Variants in PCDHGB7 observed in about 807,000 individuals in gnomAD.
The protein encoded by PCDHGB7 is protocadherin gamma subfamily B, 7, also known as protocadherin gamma-B7.
Under a neutral mutation model 61.4 loss-of-function variants are expected in PCDHGB7, and 37 were observed. The observed-to-expected ratio is 0.60, with a 90% CI of 0.46 to 0.79. The LOEUF (loss-of-function observed/expected upper bound fraction) is 0.79, where lower values mean the gene tolerates loss of function less well. PCDHGB7 is among the 30% of genes least tolerant of loss of function. PCDHGB7 has a pLI of 0.00. For missense variants in PCDHGB7, 1,166 were observed against 1,202.5 expected (o/e 0.97, Z 0.45); for synonymous variants, 464 against 503.5 (o/e 0.92, Z 1.05).
At chr5:141,439,796 G>C (rs980000701) in intron 1 of PCDHGB7, 4 of 152,318 alleles carry the variant, frequency 2.6e-5, no homozygotes, top group African/African-American at 9.6e-5. Flanking sequence ...AATCCAAGAA[G>C]AGTTTGAAAA....
intron 2 of PCDHGB7, 107 bp from the exon 3 acceptor site, chr5:141,505,286 A>T: frequency 3.2e-6 from 5 of 1,551,278 alleles, no homozygotes; most frequent in Non-Finnish European, 4.4e-6. Flanking sequence ...GGTCTTGGGC[A>T]TGGGGTAGGG....
rs776975666 is a variant in PCDHGB7 at position 141,432,850 on chromosome 5, G to A, written c.2415+12576G>A. The A allele has an allele frequency of 6.2e-7, 1 of 1,614,170 alleles. No homozygotes were observed. The highest frequency in any genetic ancestry group is 1.1e-5 in the South Asian group (1 of 91,088). ...TCACTCTGTACCTGGTGGTAGCGGT[G>A]GCCGCGGTCTCCTGCGTCTTCCTGG... is the stretch of plus-strand genomic sequence containing the variant. On this transcript the variant is annotated intron_variant, in intron 1 of 3. Coordinates refer to ENST00000398594, the MANE Select transcript of PCDHGB7 (RefSeq NM_018927.4). The surrounding 1 kb of genome is among the most constrained non-coding windows in gnomAD (Gnocchi z 6.0).
chr5:141,487,438 G>A lies in PCDHGB7; in HGVS notation c.2416-7369G>A, dbSNP rs2154580826. 6 of 1,614,174 alleles carry A rather than the reference G, an allele frequency of 3.7e-6. No individual in the cohort carries two copies. Among genetic ancestry groups the A allele is most frequent in the East Asian group, 2.2e-5 (1 of 44,866 alleles). On this transcript the variant is annotated intron_variant, in intron 1 of 3. Transcript: ENST00000398594. This position sits in a 1 kb window ranked among gnomAD's most constrained non-coding sequence, Gnocchi z 5.0. The stretch of plus-strand genomic sequence containing the variant: ...ATGGGATCCTCCGAATCCAGCTAGG[G>A]TCAGATGACCCTATCAAGTTTGTTG...
chr5:141,475,984 G>A, intron 1 of PCDHGB7: 2 of 1,069,308 alleles, frequency 1.9e-6, no homozygotes, highest in Non-Finnish European at 2.7e-6. Flanking sequence ...AACAGCCGGC[G>A]AGCAAATCAA....
chr5:141,460,075 C>T (rs2098981644), intron 1 of PCDHGB7, among the ~76,000 whole-genome samples: 2 of 151,896 alleles, frequency 1.3e-5, no homozygotes, highest in East Asian at 1.9e-4. Context: ...GAGACTTCAT[C>T]TAAAAAATAA....
rs764579211 is a variant in PCDHGB7 at position 141,489,393 on chromosome 5, T to C, written c.2416-5414T>C. 1.9e-5 allele frequency: 30 copies of C among 1,614,098 alleles called. No individual in the cohort carries two copies. In the South Asian group the frequency reaches 3.3e-4, roughly 18 times the overall value. On this transcript the variant is annotated intron_variant, in intron 1 of 3. Coordinates refer to ENST00000398594, the MANE Select transcript of PCDHGB7 (RefSeq NM_018927.4). The surrounding 1 kb of genome is among the most constrained non-coding windows in gnomAD (Gnocchi z 4.5). ...CGCTGGTGGGGAATGTTGCTCAGGA[T>C]CTGGGCTTAAAGATGACAGATCTGT...
intron 1 of PCDHGB7, among the ~76,000 whole-genome samples, chr5:141,451,717 A>G (rs2098722445): frequency 6.6e-6 from 1 of 152,166 alleles, no homozygotes; most frequent in Non-Finnish European, 1.5e-5. Context: ...CCCTGCCTCT[A>G]CTAAAAATAC....
At chr5:141,421,119 C>A (rs542039688) in intron 1 of PCDHGB7, 2 of 772,768 alleles carry the variant, frequency 2.6e-6, no homozygotes, top group South Asian at 1.9e-5. Flanking sequence ...TATTTTCCTT[C>A]GCTTTCTGAT....
At chr5:141,430,612 G>A (rs1406353008) in intron 1 of PCDHGB7, 2 of 680,678 alleles carry the variant, frequency 2.9e-6, no homozygotes, top group African/African-American at 3.7e-5. Flanking sequence ...GCACAAAGCA[G>A]ATAGCTAGGA....
chr5:141,423,552 C>A, intron 1 of PCDHGB7: 2 of 1,613,720 alleles, frequency 1.2e-6, no homozygotes, highest in Non-Finnish European at 1.7e-6. Context: ...CCCAGCCCAA[C>A]TATGGGGACA....
chr5:141,426,733 G>A (rs62378459), intron 1 of PCDHGB7: 13,670 of 449,336 alleles, frequency 0.03, 288 homozygotes, highest in Middle Eastern at 0.11. Context: ...CCAGGCATTC[G>A]GTTTGGCCTG....
At chr5:141,428,196 C>A in intron 1 of PCDHGB7, 2 of 1,383,704 alleles carry the variant, frequency 1.4e-6, no homozygotes, top group Non-Finnish European at 2.0e-6. Context: ...CCGCTCTCTG[C>A]GCCGCTACGC....
chr5:141,489,597 A>T lies in PCDHGB7; in HGVS notation c.2416-5210A>T. The T allele has an allele frequency of 6.2e-7, 1 of 1,614,100 alleles. No individual in the cohort carries two copies. Among genetic ancestry groups the T allele is most frequent in the African/African-American group, 1.3e-5 (1 of 75,040 alleles). ...AACACCCCCTGGAGCTAATCCGTGT[A>T]GAGGTAGAGATCCTGGATCTCAATG... On this transcript the variant is annotated intron_variant, in intron 1 of 3. Transcript: ENST00000398594. The surrounding 1 kb of genome is among the most constrained non-coding windows in gnomAD (Gnocchi z 4.5).
At chr5:141,500,615 A>G (rs1341597957) in intron 2 of PCDHGB7, among the ~76,000 whole-genome samples, 1 of 152,232 alleles carries the variant, frequency 6.6e-6, no homozygotes, top group East Asian at 1.9e-4. Flanking sequence ...ATTCCCAGTC[A>G]TACGGTACAT....
intron 1 of PCDHGB7, among the ~76,000 whole-genome samples, chr5:141,492,090 C>T (rs751238997): frequency 1.4e-4 from 21 of 152,258 alleles, no homozygotes; most frequent in Admixed American, 6.5e-5. Flanking sequence ...GCACGCTTCG[C>T]CGGTCTGTAG....
chr5:141,463,438 CTTTTTTTT>C (rs71576115), intron 1 of PCDHGB7, among the ~76,000 whole-genome samples: 7 of 103,252 alleles, frequency 6.8e-5, no homozygotes, highest in East Asian at 2.4e-4. Flanking sequence ...TTTCCTTCTC[CTTTTTTTT>C]TTTTTTTTTT....
rs902072815 is a variant in PCDHGB7, at chr5:141,495,024, C to A, written c.2474+159C>A. On this transcript the variant is annotated intron_variant, in intron 2 of 3. Coordinates refer to ENST00000398594, the MANE Select transcript of PCDHGB7 (RefSeq NM_018927.4). ...GGTGTGCGGGGGGCTGGCACACAGACCCCGGAAGGAAGAGGCGACTGCCCT... is the reference window on the plus strand; with the variant it reads ...GGTGTGCGGGGGGCTGGCACACAGAACCCGGAAGGAAGAGGCGACTGCCCT... The A allele has an allele frequency of 1.6e-5, 16 of 973,368 alleles. No homozygotes were observed. In the South Asian group the frequency reaches 5.7e-4, roughly 35 times the overall value. The allele number at this position is 973,368 out of a possible 1,614,324, so 60.3% of individuals were successfully genotyped here. A position where few individuals can be genotyped will look rare whatever the true frequency, so the allele number is the denominator to read the frequency against.
At chr5:141,442,682 T>C (rs1591733469) in intron 1 of PCDHGB7, among the ~76,000 whole-genome samples, 1 of 152,218 alleles carries the variant, frequency 6.6e-6, no homozygotes, top group East Asian at 1.9e-4. Context: ...TGAGGGACAG[T>C]AGTCAGGCAG....
rs762687404 is a variant in PCDHGB7 at position 141,486,468 on chromosome 5, A to G, written c.2416-8339A>G. Reference sequence around the variant, plus strand: ...ATGGTCACTGCTTCTGATGCTGGGAACCCTCCTCTCAGTACCCACAGAACT... The same window carrying G: ...ATGGTCACTGCTTCTGATGCTGGGAGCCCTCCTCTCAGTACCCACAGAACT... On this transcript the variant is annotated intron_variant, in intron 1 of 3. Transcript: ENST00000398594. This position sits in a 1 kb window ranked among gnomAD's most constrained non-coding sequence, Gnocchi z 5.0. The G allele has an allele frequency of 1.2e-6, 2 of 1,612,906 alleles. No individual in the cohort carries two copies. Among genetic ancestry groups the G allele is most frequent in the Middle Eastern group, 1.6e-4 (1 of 6,062 alleles).
Sources: gnomAD v4.1 joint callset for allele counts (sites outside exome capture counted in the v4.1 genomes callset) on GRCh38, gnomAD v4.1.1 for gene constraint, Gnocchi (gnomAD v3.1) non-coding constraint, MANE v1.5 for transcripts, NCBI Gene and HGNC (gene_info 2026-07-23, HGNC 2026-07-21) for gene names.